The following TRIM54 variants were observed in gnomAD, a reference collection of about 807,000 sequenced individuals.
TRIM54 encodes tripartite motif-containing protein 54.
A neutral mutation model predicts 42.0 loss-of-function variants in TRIM54; 40 were observed. The ratio of observed to expected loss-of-function variants is 0.95; its 90% CI spans 0.74 to 1.24. The LOEUF is 1.24. Ranked by LOEUF, TRIM54 falls within the 50% of genes most tolerant of loss-of-function variation. The pLI is 0.00. For missense variants in TRIM54, 485 were observed against 480.3 expected, an observed-to-expected ratio of 1.01 and a Z score of -0.09; for synonymous variants, 199 against 194.9, an observed-to-expected ratio of 1.02 and a Z score of -0.17.
At chr2:27,288,362 C>T (rs1261392911) in intron 1 of TRIM54, among the ~76,000 whole-genome samples, 1 of 152,218 alleles carries the variant, frequency 6.6e-6, no homozygotes, top group Non-Finnish European at 1.5e-5. Context: ...ATTTGCTAGA[C>T]TAGCTGCATT....
At chr2:27,293,219 G>C (rs1485756522) in intron 1 of TRIM54, among the ~76,000 whole-genome samples, 2 of 152,110 alleles carry the variant, frequency 1.3e-5, no homozygotes, top group Non-Finnish European at 2.9e-5. Context: ...GGAGCTGAAG[G>C]TGAATTCCTG....
rs950413248 is a variant in TRIM54, at chr2:27,305,835, G to A, written c.843+18G>A. The A allele has an allele frequency of 3.2e-6, 5 of 1,563,906 alleles. No individual in the cohort carries two copies. In the African/African-American group the frequency reaches 6.8e-5, roughly 21 times the overall value. On this transcript the variant is annotated intron_variant, in intron 5 of 8. Coordinates refer to ENST00000380075, the MANE Select transcript of TRIM54 (RefSeq NM_187841.3). ...ATCTCCAGGTGGGCTCTAGGGGAGG[G>A]TGGCAGCGCTGCACAGTGGCTGGAG... is the stretch of plus-strand genomic sequence containing the variant.
chr2:27,299,345 C>A lies in TRIM54; in HGVS notation c.442C>A (p.Leu148Ile). Residue 148 changes from leucine (L) to isoleucine (I), a missense_variant, in exon 3 of 9, where the codon CTC becomes ATC. Coordinates refer to ENST00000380075, the MANE Select transcript of TRIM54 (RefSeq NM_187841.3). ...CLSCEVPTCS[L>I]CKVFGAHKDC... ...GAGCTGTGAGGTGCCCACCTGCTCT[C>A]TCTGCAAGGTCTTCGGTGCCCACAA... The A allele has an allele frequency of 6.2e-7, 1 of 1,614,182 alleles. No individual in the cohort carries two copies. The highest frequency in any genetic ancestry group is 8.5e-7 in the Non-Finnish European group (1 of 1,180,044).
At chr2:27,295,389 C>T (rs1572523509) in intron 1 of TRIM54, among the ~76,000 whole-genome samples, 1 of 152,164 alleles carries the variant, frequency 6.6e-6, no homozygotes, top group Admixed American at 6.6e-5. Context: ...TCACTGCAGC[C>T]TCCACCTCCC....
At chr2:27,300,819 T>C (rs949492861) in intron 3 of TRIM54, among the ~76,000 whole-genome samples, 3 of 152,134 alleles carry the variant, frequency 2.0e-5, no homozygotes, top group South Asian at 2.1e-4. Flanking sequence ...TGAGCCATGA[T>C]TGCACCACGG....
In TRIM54 at chr2:27,306,786, G is replaced by A. The variant is rs564458243; in HGVS notation, c.*2-101G>A. 4 of 566,838 alleles carry A rather than the reference G, an allele frequency of 7.1e-6. No homozygotes were observed. The East Asian group carries it at 8.9e-5, about 13-fold the overall frequency. 35.1% of individuals were successfully genotyped at this position (566,838 alleles called of 1,614,324 possible). ...TGGGAGGGCAGGCAAGGCAGGCTGA[G>A]TAGAGGAGAAACCCACGTGGCGGGG... On this transcript the variant is annotated intron_variant, in intron 8 of 8. Transcript: ENST00000380075. The surrounding 1 kb of genome is among the most constrained non-coding windows in gnomAD (Gnocchi z 6.1).
At chr2:27,304,424 A>T (rs142346138) in intron 3 of TRIM54, among the ~76,000 whole-genome samples, 4,166 of 125,042 alleles carry the variant, frequency 0.033, 135 homozygotes, top group Middle Eastern at 0.085. Context: ...GTCTCAAAAA[A>T]AATTTAAAAA....
intron 2 of TRIM54, 89 bp from the exon 3 acceptor site, chr2:27,299,156 G>A: frequency 6.8e-7 from 1 of 1,461,436 alleles, no homozygotes; most frequent in East Asian, 2.3e-5. Context: ...GGGCGGAGAA[G>A]GTGGTGGCAG....
At chr2:27,299,170 G>T in intron 2 of TRIM54, 75 bp from the exon 3 acceptor site, 2 of 1,545,388 alleles carry the variant, frequency 1.3e-6, no homozygotes, top group East Asian at 4.5e-5. Flanking sequence ...GTGGCAGTTG[G>T]TGGAGGCTGA....
chr2:27,287,871 T>C (rs1484170906), intron 1 of TRIM54, among the ~76,000 whole-genome samples: 1 of 152,198 alleles, frequency 6.6e-6, no homozygotes, highest in East Asian at 1.9e-4. Flanking sequence ...AACGATTTGG[T>C]TTCACAAAGT....
At position 27,282,567 on chromosome 2, in the gene TRIM54, G is replaced by T. The variant is rs190141503; in HGVS notation, c.-165G>T. On this transcript the variant is annotated 5_prime_UTR_variant, in exon 1 of 9. Transcript: ENST00000380075. The stretch of plus-strand genomic sequence containing the variant: ...AGAAAGTAGAGACTGTCCGAAGACT[G>T]CTATCTGGGACGAGACAAGTTGTTA... 9.9e-5 allele frequency: 67 copies of T among 680,126 alleles called. No individual in the cohort carries two copies. In the African/African-American group the frequency reaches 1.1e-3, roughly 11 times the overall value. 42.1% of individuals were successfully genotyped at this position (680,126 alleles called of 1,614,324 possible). A position where few individuals can be genotyped will look rare whatever the true frequency, so the allele number is the denominator to read the frequency against.
At chr2:27,286,963 C>G (rs1227343362) in intron 1 of TRIM54, among the ~76,000 whole-genome samples, 1 of 152,192 alleles carries the variant, frequency 6.6e-6, no homozygotes, top group East Asian at 1.9e-4. Context: ...TTGGGCAGGT[C>G]TCCCTGATGC....
At chr2:27,302,652 A>G (rs1050000407) in intron 3 of TRIM54, among the ~76,000 whole-genome samples, 13 of 145,010 alleles carry the variant, frequency 9.0e-5, no homozygotes, top group Middle Eastern at 4.2e-3. Flanking sequence ...TTAGCTGGGC[A>G]TGGTGGCAGT....
chr2:27,303,326 C>T (rs1448675473), intron 3 of TRIM54, among the ~76,000 whole-genome samples: 4 of 152,026 alleles, frequency 2.6e-5, no homozygotes, highest in African/African-American at 7.2e-5. Flanking sequence ...GAGGCCGAGG[C>T]GGGCGGATCA....
chr2:27,302,135 CA>C (rs2148202100), intron 3 of TRIM54, among the ~76,000 whole-genome samples: 1 of 151,734 alleles, frequency 6.6e-6, no homozygotes, highest in East Asian at 1.9e-4. Flanking sequence ...GCCTGGGCAA[CA>C]AGAGCAAAAC....
At chr2:27,285,311 GTCTGTTT>G (rs1678525236) in intron 1 of TRIM54, among the ~76,000 whole-genome samples, 1 of 152,274 alleles carries the variant, frequency 6.6e-6, no homozygotes, top group Admixed American at 6.5e-5. Context: ...TAATCAGATT[GTCTGTTT>G]TCTAAGTATG....
At chr2:27,304,073 G>A (rs1018094391) in intron 3 of TRIM54, among the ~76,000 whole-genome samples, 3 of 151,874 alleles carry the variant, frequency 2.0e-5, no homozygotes, top group South Asian at 4.2e-4. Flanking sequence ...TTAGCCGGAC[G>A]TGGTGTCATG....
chr2:27,306,027 C>T lies in TRIM54; in HGVS notation c.844-53C>T, dbSNP rs1679192691. On this transcript the variant is annotated intron_variant, in intron 5 of 8. Transcript: ENST00000380075. The surrounding 1 kb of genome is among the most constrained non-coding windows in gnomAD (Gnocchi z 6.1). ...ACTGTGGTGAGATTCAGAAATGGGACTTTGCCCAGGTTGGCCCAGTGCTTA... is the reference window on the plus strand; with the variant it reads ...ACTGTGGTGAGATTCAGAAATGGGATTTTGCCCAGGTTGGCCCAGTGCTTA... 2 of 1,609,886 alleles carry T rather than the reference C, an allele frequency of 1.2e-6. No homozygotes were observed. The highest frequency in any genetic ancestry group is 2.7e-5 in the African/African-American group (2 of 74,970).
At chr2:27,286,035 C>G (rs1678547977) in intron 1 of TRIM54, among the ~76,000 whole-genome samples, 1 of 152,054 alleles carries the variant, frequency 6.6e-6, no homozygotes, top group Admixed American at 6.6e-5. Context: ...TTAAGACCAG[C>G]CTGGGCAACA....
Sources: allele counts gnomAD v4.1 joint callset (sites outside exome capture counted in the v4.1 genomes callset), GRCh38; gene constraint gnomAD v4.1.1; non-coding constraint Gnocchi (gnomAD v3.1); transcripts MANE v1.5; gene names NCBI Gene and HGNC (gene_info 2026-07-23, HGNC 2026-07-21).